CTNNA2: variants seen among roughly 807,000 people sequenced by gnomAD.
CTNNA2 encodes catenin alpha-2.
CTNNA2 carries 42 observed loss-of-function variants against 101.0 expected under a neutral mutation model. The observed-to-expected ratio is 0.42, with a 90% confidence interval of 0.32 to 0.54. CTNNA2 has a LOEUF of 0.54. Among genes scored for constraint, CTNNA2 ranks in the 20% least tolerant of loss-of-function variants. The pLI is 0.14. For synonymous variants in CTNNA2, 450 were observed against 456.4 expected, an observed-to-expected ratio of 0.99 and a Z score of 0.18; for missense variants, 871 against 1,223.1, an observed-to-expected ratio of 0.71 and a Z score of 4.29.
At chr2:80,252,944 T>C (rs1330245332) in intron 7 of CTNNA2, among the ~76,000 whole-genome samples, 1 of 152,100 alleles carries the variant, frequency 6.6e-6, no homozygotes, top group Admixed American at 6.6e-5. Flanking sequence ...ATGGTGATAT[T>C]GGTAACTGCA....
At position 80,464,693 on chromosome 2, in the gene CTNNA2, T is replaced by C. The variant is rs556432012; in HGVS notation, c.1290+45092T>C. Among the ~76,000 whole-genome samples the C allele has an allele frequency of 7.4e-4, 112 of 152,332 alleles. 2 individuals are homozygous for C. Among genetic ancestry groups the C allele is most frequent in the Non-Finnish European group, 4.4e-4 (30 of 68,026 alleles). On this transcript the variant is annotated intron_variant, in intron 9 of 18. Coordinates refer to ENST00000402739, the MANE Select transcript of CTNNA2 (RefSeq NM_001282597.3). ...CCCACTCTGGCATGCACAATGTTCC[T>C]ATATCACTTTGGGACGAGACCTTGT...
intron 7 of CTNNA2, among the ~76,000 whole-genome samples, chr2:80,043,085 T>C (rs11126748): frequency 0.083 from 3,177 of 38,236 alleles, 222 homozygotes; most frequent in East Asian, 0.14. Context: ...CTTTCTTTCT[T>C]TCTTTCTTTC....
At chr2:80,609,287 T>C (rs1387948495) in intron 17 of CTNNA2, among the ~76,000 whole-genome samples, 3 of 151,782 alleles carry the variant, frequency 2.0e-5, no homozygotes, top group Admixed American at 2.0e-4. Flanking sequence ...GGCCATTTGG[T>C]AAAAACACGT....
intron 7 of CTNNA2, among the ~76,000 whole-genome samples, chr2:80,353,871 A>G (rs768360534): frequency 3.9e-5 from 6 of 152,208 alleles, no homozygotes; most frequent in Non-Finnish European, 8.8e-5. Flanking sequence ...TACAGCTGCC[A>G]AAAGAGCCTA....
intron 1 of CTNNA2, among the ~76,000 whole-genome samples, chr2:79,571,489 CTTTT>C (rs1055478085): frequency 6.6e-6 from 1 of 152,116 alleles, no homozygotes; most frequent in Non-Finnish European, 1.5e-5. Context: ...TTGTTCCTTT[CTTTT>C]TGTCTTTTCA....
intron 7 of CTNNA2, among the ~76,000 whole-genome samples, chr2:79,911,445 C>T (rs896325484): frequency 2.6e-5 from 4 of 152,188 alleles, no homozygotes; most frequent in African/African-American, 9.7e-5. Flanking sequence ...ATAGAAATCA[C>T]AGAACGTGAC....
At chr2:79,685,970 C>T (rs1683904256) in intron 2 of CTNNA2, among the ~76,000 whole-genome samples, 1 of 152,030 alleles carries the variant, frequency 6.6e-6, no homozygotes, top group Non-Finnish European at 1.5e-5. Flanking sequence ...GCACCTAACC[C>T]AAGCTTGGAA....
chr2:79,489,671 T>C lies in CTNNA2; in HGVS notation c.-134-15383T>C, dbSNP rs1231159536. ...GGAGGCAGACCCTGGCTCATTTTGC[T>C]TATTCTATTGCATGAATGAAAAGAA... On this transcript the variant is annotated intron_variant, in intron 4 of 21. Transcript: ENST00000466387. Among the ~76,000 whole-genome samples, 3 of 152,218 alleles carry C rather than the reference T, an allele frequency of 2.0e-5. No individual in the cohort carries two copies. In the East Asian group the frequency reaches 5.8e-4, roughly 29 times the overall value.
intron 18 of CTNNA2, among the ~76,000 whole-genome samples, chr2:80,622,243 A>G (rs1671208331): frequency 6.6e-6 from 1 of 151,938 alleles, no homozygotes; most frequent in African/African-American, 2.4e-5. Context: ...GCATTTGGTC[A>G]GTTACACAAA....
chr2:80,337,994 C>T (rs1671900991), intron 7 of CTNNA2, among the ~76,000 whole-genome samples: 1 of 145,268 alleles, frequency 6.9e-6, no homozygotes, highest in African/African-American at 2.5e-5. Flanking sequence ...GTTTACTTTT[C>T]TTTTTTTTTT....
At chr2:80,637,098 T>G (rs879491006) in intron 18 of CTNNA2, among the ~76,000 whole-genome samples, 3 of 152,052 alleles carry the variant, frequency 2.0e-5, no homozygotes, top group Non-Finnish European at 4.4e-5. Context: ...GGGGGAAACT[T>G]TGAAAGGAAA....
At chr2:79,675,792 C>T (rs1037136025) in intron 2 of CTNNA2, among the ~76,000 whole-genome samples, 1 of 152,102 alleles carries the variant, frequency 6.6e-6, no homozygotes, top group African/African-American at 2.4e-5. Context: ...AATTAATGCA[C>T]GAATATGTTT....
intron 2 of CTNNA2, among the ~76,000 whole-genome samples, chr2:79,265,800 A>C (rs1674979527): frequency 6.6e-6 from 1 of 152,210 alleles, no homozygotes; most frequent in Non-Finnish European, 1.5e-5. Flanking sequence ...GATATTTAAG[A>C]CAGTCAGTCT....
chr2:79,609,279 AT>A, intron 1 of CTNNA2, among the ~76,000 whole-genome samples: 1 of 151,996 alleles, frequency 6.6e-6, no homozygotes. Context: ...GTCAGATAAC[AT>A]ATACGACAGC....
intron 7 of CTNNA2, among the ~76,000 whole-genome samples, chr2:80,004,915 C>A (rs991164876): frequency 2.6e-5 from 4 of 152,094 alleles, no homozygotes; most frequent in Middle Eastern, 3.2e-3. Context: ...GTTGGCCAGG[C>A]TGGTCTTGAG....
intron 1 of CTNNA2, among the ~76,000 whole-genome samples, chr2:79,623,982 A>G (rs1679150073): frequency 6.6e-6 from 1 of 151,040 alleles, no homozygotes; most frequent in African/African-American, 2.4e-5. Context: ...TATGGAAGAC[A>G]TCTCTCTCTC....
chr2:80,414,837 G>A (rs1189374379), intron 8 of CTNNA2, among the ~76,000 whole-genome samples: 2 of 152,112 alleles, frequency 1.3e-5, no homozygotes, highest in African/African-American at 4.8e-5. Context: ...GTCTTCTAGG[G>A]AGGCATTCCT....
At chr2:80,102,242 T>C (rs891144174) in intron 7 of CTNNA2, among the ~76,000 whole-genome samples, 2 of 152,324 alleles carry the variant, frequency 1.3e-5, no homozygotes, top group African/African-American at 4.8e-5. Context: ...AGAATTGCTG[T>C]CTGATTCACC....
At chr2:79,729,455 G>A (rs937370336) in intron 2 of CTNNA2, among the ~76,000 whole-genome samples, 1 of 152,032 alleles carries the variant, frequency 6.6e-6, no homozygotes, top group Non-Finnish European at 1.5e-5. Context: ...CCCCTGACCC[G>A]TGCTGCTTCC....
Sources: gnomAD v4.1 joint callset for allele counts (sites outside exome capture counted in the v4.1 genomes callset) on GRCh38, gnomAD v4.1.1 for gene constraint, MANE v1.5 for transcripts, NCBI Gene and HGNC (gene_info 2026-07-23, HGNC 2026-07-21) for gene names.